KCNU1: variants seen among roughly 807,000 people sequenced by gnomAD.
KCNU1 encodes the protein potassium calcium-activated channel subfamily U member 1, also known as potassium channel subfamily U member 1.
In KCNU1, 93 loss-of-function variants were observed where a neutral mutation model predicts 126.8. The observed-to-expected ratio is 0.73, with a 90% CI of 0.62 to 0.87. KCNU1 has a LOEUF of 0.87. KCNU1 is among the 40% of genes least tolerant of loss of function. The pLI is 0.00. For missense variants in KCNU1, 1,330 were observed against 1,367.1 expected, an observed-to-expected ratio of 0.97 and a Z score of 0.43; for synonymous variants, 523 against 494.2, an observed-to-expected ratio of 1.06 and a Z score of -0.77.
chr8:36,932,471 G>A (rs1170959257), intron 25 of KCNU1, among the ~76,000 whole-genome samples: 1 of 152,144 alleles, frequency 6.6e-6, no homozygotes, highest in South Asian at 2.1e-4. Context: ...TAATGATCTT[G>A]TTGGCTATAG....
chr8:36,901,240 C>T (rs143773082), intron 19 of KCNU1, among the ~76,000 whole-genome samples: 1 of 152,100 alleles, frequency 6.6e-6, no homozygotes, highest in Non-Finnish European at 1.5e-5. Flanking sequence ...GCCTCCTGAA[C>T]TAGCACAGTG....
chr8:36,820,470 C>T (rs997508296), intron 10 of KCNU1, among the ~76,000 whole-genome samples: 4 of 151,846 alleles, frequency 2.6e-5, no homozygotes, highest in Admixed American at 1.3e-4. Flanking sequence ...GGTTTTATGG[C>T]AGAATTTTAG....
intron 24 of KCNU1, among the ~76,000 whole-genome samples, chr8:36,929,572 G>A (rs1246387534): frequency 6.6e-6 from 1 of 152,050 alleles, no homozygotes; most frequent in Non-Finnish European, 1.5e-5. Context: ...AGTGCCCATG[G>A]AATCCCAAAG....
intron 5 of KCNU1, 74 bp downstream of exon 5, chr8:36,806,454 A>G (rs1352229030): frequency 1.3e-6 from 1 of 763,340 alleles, no homozygotes; most frequent in East Asian, 2.8e-5. Context: ...GTAAGTATCT[A>G]TTTTTCATTT....
chr8:36,917,082 A>G (rs1190024553), intron 22 of KCNU1, among the ~76,000 whole-genome samples: 2 of 152,138 alleles, frequency 1.3e-5, no homozygotes, highest in Non-Finnish European at 2.9e-5. Context: ...GCCTTAGCAC[A>G]GAGCTCAACT....
chr8:36,799,616 C>A (rs977573254), intron 2 of KCNU1, among the ~76,000 whole-genome samples: 1 of 151,708 alleles, frequency 6.6e-6, no homozygotes, highest in Admixed American at 6.6e-5. Context: ...CTCTCTGCAA[C>A]CTCTGCCTCC....
At chr8:36,850,961 C>A (rs2117288091) in intron 18 of KCNU1, among the ~76,000 whole-genome samples, 1 of 152,262 alleles carries the variant, frequency 6.6e-6, no homozygotes. Context: ...TATGCAAGTA[C>A]CACACTGTCT....
intron 10 of KCNU1, among the ~76,000 whole-genome samples, chr8:36,825,578 G>A (rs534247527): frequency 2.2e-4 from 34 of 152,252 alleles, no homozygotes; most frequent in African/African-American, 8.2e-4. Context: ...GAGTAAAAGT[G>A]CAGTTTTGTT....
chr8:36,817,771 C>T lies in KCNU1; in HGVS notation c.1106+11C>T. On this transcript the variant is annotated intron_variant, in intron 10 of 26. Coordinates refer to ENST00000399881, the MANE Select transcript of KCNU1 (RefSeq NM_001031836.3). ...TGTTTTCCTGGGAGAGTAAGTATAT[C>T]TGTATGGCTCATGGGTTCTAAATTA... 7.6e-7 allele frequency: 1 copy of T among 1,312,122 alleles called. No homozygotes were observed. The highest frequency in any genetic ancestry group is 1.7e-5 in the Admixed American group (1 of 59,564). 81.3% of individuals were successfully genotyped at this position (1,312,122 alleles called of 1,614,324 possible).
At chr8:36,836,709 A>T in intron 13 of KCNU1, 84 bp from the exon 14 acceptor site, 3 of 1,196,716 alleles carry the variant, frequency 2.5e-6, no homozygotes, top group Non-Finnish European at 3.6e-6. Flanking sequence ...AAGTAAATTT[A>T]AAAAAAGAAA....
intron 19 of KCNU1, among the ~76,000 whole-genome samples, chr8:36,885,383 C>T (rs181764664): frequency 5.3e-5 from 8 of 152,092 alleles, no homozygotes; most frequent in East Asian, 3.9e-4. Flanking sequence ...GATGAAACCC[C>T]GTCTTTAGTA....
At chr8:36,785,962 G>T (rs1802697440) in intron 1 of KCNU1, among the ~76,000 whole-genome samples, 1 of 152,110 alleles carries the variant, frequency 6.6e-6, no homozygotes, top group Non-Finnish European at 1.5e-5. Flanking sequence ...TAAGAAGTGA[G>T]CCTGAGCAAC....
intron 18 of KCNU1, among the ~76,000 whole-genome samples, chr8:36,851,740 T>A (rs956473322): frequency 2.0e-5 from 3 of 152,242 alleles, no homozygotes; most frequent in African/African-American, 4.8e-5. Flanking sequence ...AATTGTTTTT[T>A]AGCTTTATTT....
chr8:36,847,647 T>C (rs1482919245), intron 18 of KCNU1, among the ~76,000 whole-genome samples: 2 of 152,192 alleles, frequency 1.3e-5, no homozygotes, highest in Non-Finnish European at 2.9e-5. Context: ...ATGACAGGAT[T>C]TCATCCTTTT....
chr8:36,919,987 C>T (rs766335972), intron 23 of KCNU1, among the ~76,000 whole-genome samples: 20 of 152,200 alleles, frequency 1.3e-4, no homozygotes, highest in Non-Finnish European at 2.4e-4. Context: ...TTTTGTGGAG[C>T]AGAGGCTGTT....
At chr8:36,934,780 A>G (rs190533435) in intron 26 of KCNU1, among the ~76,000 whole-genome samples, 1 of 152,158 alleles carries the variant, frequency 6.6e-6, no homozygotes, top group East Asian at 1.9e-4. Flanking sequence ...ATACAAGGCT[A>G]CCCTGCCTCA....
chr8:36,816,770 G>C (rs746688829), intron 9 of KCNU1, among the ~76,000 whole-genome samples: 2 of 152,100 alleles, frequency 1.3e-5, no homozygotes, highest in Non-Finnish European at 2.9e-5. Context: ...TATGCATAGA[G>C]TTCTGCACCT....
intron 9 of KCNU1, 63 bp downstream of exon 9, chr8:36,815,750 T>A: frequency 1.1e-6 from 1 of 922,946 alleles, no homozygotes; most frequent in Non-Finnish European, 1.7e-6. Flanking sequence ...TATATCTCGT[T>A]CTAGACATCT....
chr8:36,853,017 G>C (rs1010096539), intron 18 of KCNU1, among the ~76,000 whole-genome samples: 4 of 152,074 alleles, frequency 2.6e-5, no homozygotes, highest in African/African-American at 9.7e-5. Flanking sequence ...ATTAAGTGAA[G>C]TAACTGATTT....
Sources: allele counts gnomAD v4.1 joint callset (sites outside exome capture counted in the v4.1 genomes callset), GRCh38; gene constraint gnomAD v4.1.1; transcripts MANE v1.5; gene names NCBI Gene and HGNC (gene_info 2026-07-23, HGNC 2026-07-21).